PLXDC1: variants seen among roughly 807,000 people sequenced by gnomAD.
PLXDC1 encodes the protein plexin domain-containing protein 1.
Under a neutral mutation model 61.3 loss-of-function variants are expected in PLXDC1, and 39 were observed. The observed-to-expected ratio is 0.64, with a 90% CI of 0.49 to 0.83. The LOEUF (loss-of-function observed/expected upper bound fraction) is 0.83. Among genes scored for constraint, PLXDC1 ranks in the 40% least tolerant of loss-of-function variants. The probability of loss-of-function intolerance (pLI) is 0.00; values close to 1 mark genes in which losing one functional copy is unlikely to be tolerated. For synonymous variants in PLXDC1, 212 were observed against 254.5 expected, an observed-to-expected ratio of 0.83 and a Z score of 1.59; for missense variants, 596 against 666.5, an observed-to-expected ratio of 0.89 and a Z score of 1.17.
intron 1 of PLXDC1, among the ~76,000 whole-genome samples, chr17:39,145,460 A>G (rs1304336675): frequency 1.3e-5 from 2 of 152,154 alleles, no homozygotes; most frequent in African/African-American, 4.8e-5. Flanking sequence ...AGGTTACCAC[A>G]GCCTCTATCC....
intron 7 of PLXDC1, chr17:39,096,738 C>T: frequency 2.8e-6 from 1 of 359,544 alleles, no homozygotes; most frequent in South Asian, 2.1e-5. Context: ...CCCACTAATT[C>T]AGAATCCCTG....
At position 39,067,475 on chromosome 17, in the gene PLXDC1, G is replaced by C. The variant is rs14325; in HGVS notation, c.*365C>G. ...CATGATTCCTGTTTTTGCGTTTTAT[G>C]TCAGTGCTCTAAAGTTATCCTAGCC... On this transcript the variant is annotated 3_prime_UTR_variant, in exon 14 of 14. Transcript: ENST00000315392. 0.27 allele frequency: 46,415 copies of C among 170,150 alleles called. 7,337 individuals carry two copies. Among genetic ancestry groups the C allele is most frequent in the Admixed American group, 0.43 (7,260 of 16,702 alleles). The allele number at this position is 170,150 out of a possible 1,614,324, so 10.5% of individuals were successfully genotyped here.
At chr17:39,131,481 TA>T in intron 2 of PLXDC1, among the ~76,000 whole-genome samples, 2 of 152,004 alleles carry the variant, frequency 1.3e-5, no homozygotes, top group East Asian at 3.9e-4. Flanking sequence ...GCTTCCCGAG[TA>T]ACTAAGATTA....
At chr17:39,109,035 C>T in intron 3 of PLXDC1, 62 bp from the exon 4 acceptor site, 1 of 1,382,326 alleles carries the variant, frequency 7.2e-7, no homozygotes. Context: ...TGGGCACCCA[C>T]ACTGCCTCAT....
At chr17:39,151,915 G>C (rs1333660242), upstream of PLXDC1, among the ~76,000 whole-genome samples, 1 of 152,172 alleles carries the variant, frequency 6.6e-6, no homozygotes, top group East Asian at 1.9e-4. The surrounding 1 kb of genome is among the most constrained non-coding windows in gnomAD (Gnocchi z 5.2). Context: ...GTTCCGCCGG[G>C]AAAGCTGCAG....
chr17:39,151,416 G>A lies in PLXDC1; in HGVS notation c.22C>T (p.Leu8=). The A allele has an allele frequency of 7.7e-7, 1 of 1,296,450 alleles. No individual in the cohort carries two copies. Among genetic ancestry groups the A allele is most frequent in the Non-Finnish European group, 9.8e-7 (1 of 1,020,396 alleles). The allele number at this position is 1,296,450 out of a possible 1,614,324, so 80.3% of individuals were successfully genotyped here. Residue 8 remains leucine (L), a synonymous_variant, in exon 1 of 14, where the codon CTG becomes TTG. Transcript: ENST00000315392. This position sits in a 1 kb window ranked among gnomAD's most constrained non-coding sequence, Gnocchi z 5.2. The part of the protein sequence containing the change: MRGELWL[L]VLVLREAARA... ...GCAGCCTCCCTGAGCACCAGCACCA[G>A]GAGCCAGAGCTCGCCTCGCATGGTG...
At position 39,151,538 on chromosome 17, in the gene PLXDC1, G is replaced by A. The variant is rs1333699326; in HGVS notation, c.-101C>T. 1 of 1,216,528 alleles carries A rather than the reference G, an allele frequency of 8.2e-7. No individual in the cohort carries two copies. The highest frequency in any genetic ancestry group is 1.0e-6 in the Non-Finnish European group (1 of 978,200). 75.4% of individuals were successfully genotyped at this position (1,216,528 alleles called of 1,614,324 possible). Reference sequence around the variant, plus strand: ...CGGCCGCGCGGTCCCCGGGGCTGGCGGAGGGGCGGGCGGCGAGGAGACGGC... The same window carrying A: ...CGGCCGCGCGGTCCCCGGGGCTGGCAGAGGGGCGGGCGGCGAGGAGACGGC... On this transcript the variant is annotated 5_prime_UTR_variant, in exon 1 of 14. Coordinates refer to ENST00000315392, the MANE Select transcript of PLXDC1 (RefSeq NM_020405.5). This position sits in a 1 kb window ranked among gnomAD's most constrained non-coding sequence, Gnocchi z 5.2.
chr17:39,091,482 C>G (rs1417418798), intron 7 of PLXDC1, among the ~76,000 whole-genome samples: 1 of 152,138 alleles, frequency 6.6e-6, no homozygotes. Flanking sequence ...TCCCACGTCT[C>G]CCTCCCTTCC....
chr17:39,069,282 T>G (rs1909019208), intron 13 of PLXDC1, among the ~76,000 whole-genome samples: 1 of 152,054 alleles, frequency 6.6e-6, no homozygotes, highest in South Asian at 2.1e-4. Context: ...ATTTTTTAAA[T>G]TTTTGTAGAG....
chr17:39,087,883 G>GTGT (rs1909802656), intron 7 of PLXDC1, among the ~76,000 whole-genome samples, 181 bp from the exon 8 acceptor site: 3 of 152,210 alleles, frequency 2.0e-5, no homozygotes. Context: ...GGAGAGGAGA[G>GTGT]TGTTGTGGTG....
rs761070524 is a variant in PLXDC1 at position 39,083,547 on chromosome 17, G to C, written c.908-7C>G. ...CTCCTATGCTGCAGGCAGGCTGCAAGAGAGAAGGCAGTGGCCGCTCAGCAC... is the reference window on the plus strand; with the variant it reads ...CTCCTATGCTGCAGGCAGGCTGCAACAGAGAAGGCAGTGGCCGCTCAGCAC... On this transcript the variant is annotated splice_polypyrimidine_tract_variant and splice_region_variant and intron_variant, in intron 8 of 13. Transcript: ENST00000315392. 2.5e-6 allele frequency: 4 copies of C among 1,608,420 alleles called. No homozygotes were observed. In the African/African-American group the frequency reaches 5.4e-5, roughly 22 times the overall value.
At chr17:39,102,379 C>G (rs984779331) in intron 7 of PLXDC1, among the ~76,000 whole-genome samples, 5 of 152,070 alleles carry the variant, frequency 3.3e-5, no homozygotes, top group African/African-American at 1.2e-4. Context: ...CCAGAGTCTC[C>G]GTGGAACCCA....
intron 9 of PLXDC1, among the ~76,000 whole-genome samples, chr17:39,082,187 T>G (rs892134970): frequency 6.6e-6 from 1 of 152,146 alleles, no homozygotes; most frequent in Non-Finnish European, 1.5e-5. Context: ...CTTCTACATT[T>G]GCAGCAGGAT....
Position 39,108,671 on chromosome 17 carries a change from C to A in PLXDC1, c.469+233G>T, listed in dbSNP as rs1244917343. ...GGACACAGGGCTGTCCACACTGACT[C>A]GTGCTGGCCCGAGGAGACACACACG... On this transcript the variant is annotated intron_variant, in intron 4 of 13. Transcript: ENST00000315392. 8.8e-6 allele frequency: 5 copies of A among 569,406 alleles called. No homozygotes were observed. The South Asian group carries it at 1.0e-4, about 11-fold the overall frequency. 35.3% of individuals were successfully genotyped at this position (569,406 alleles called of 1,614,324 possible). A position where few individuals can be genotyped will look rare whatever the true frequency, so the allele number is the denominator to read the frequency against.
chr17:39,072,702 T>C (rs1037110263), intron 11 of PLXDC1: 6 of 580,248 alleles, frequency 1.0e-5, no homozygotes, highest in Non-Finnish European at 1.9e-5. Context: ...GAGATGAGGC[T>C]GGGAGTGGAG....
chr17:39,134,146 T>C (rs1314146871), intron 2 of PLXDC1, among the ~76,000 whole-genome samples: 10 of 148,716 alleles, frequency 6.7e-5, no homozygotes, highest in African/African-American at 2.5e-4. Context: ...CCCAGCTACT[T>C]GGGAGGCTGA....
rs1309254943 is a variant in PLXDC1, at chr17:39,066,847, G to A, written c.*993C>T. On this transcript the variant is annotated 3_prime_UTR_variant, in exon 14 of 14. Transcript: ENST00000315392. ...GATCCGCCTGCCTCAGCCTCCCAAA[G>A]TGCTGGGATTACAGGCGTGAGCCAC... The A allele has an allele frequency of 1.3e-5, 2 of 152,352 alleles. No individual in the cohort carries two copies. Among genetic ancestry groups the A allele is most frequent in the East Asian group, 1.9e-4 (1 of 5,188 alleles). 9.4% of individuals were successfully genotyped at this position (152,352 alleles called of 1,614,324 possible).
rs560943388 is a variant in PLXDC1 at position 39,108,130 on chromosome 17, A to C, written c.585T>G (p.Phe195Leu). Residue 195 changes from phenylalanine to leucine, a missense_variant, in exon 5 of 14, where the codon TTT (phenylalanine) becomes TTG (leucine). By Grantham distance (22) the Phe-to-Leu change is conservative. Transcript: ENST00000315392. ...GYSDNSTVVY[F>L]DNGTVFVVQW... ...TCTGAGATCCAGTCTCACCATTGTC[A>C]AAGTAAACAACTGTGGAGTTGTCGG... 1 of 1,614,192 alleles carries C rather than the reference A, an allele frequency of 6.2e-7. No homozygotes were observed. Among genetic ancestry groups the C allele is most frequent in the Non-Finnish European group, 8.5e-7 (1 of 1,180,024 alleles).
intron 7 of PLXDC1, among the ~76,000 whole-genome samples, chr17:39,098,653 G>T (rs995118580): frequency 1.3e-5 from 2 of 152,202 alleles, no homozygotes; most frequent in African/African-American, 2.4e-5. Context: ...AGTGCCGGGG[G>T]GAAGAAGAGG....
Sources: gnomAD v4.1 joint callset for allele counts (sites outside exome capture counted in the v4.1 genomes callset) on GRCh38, gnomAD v4.1.1 for gene constraint, Gnocchi (gnomAD v3.1) non-coding constraint, MANE v1.5 for transcripts, NCBI Gene and HGNC (gene_info 2026-07-23, HGNC 2026-07-21) for gene names.